VPS13B: variants seen among roughly 807,000 people sequenced by gnomAD.
VPS13B encodes the protein intermembrane lipid transfer protein VPS13B.
A neutral mutation model predicts 426.4 loss-of-function variants in VPS13B; 285 were observed. That is an observed-to-expected ratio of 0.67 (90% CI 0.61 to 0.74). The LOEUF is 0.74. Ranked by LOEUF, VPS13B falls within the 30% of genes least tolerant of loss-of-function variation. The probability of loss-of-function intolerance (pLI) is 0.00; values close to 1 mark genes in which losing one functional copy is unlikely to be tolerated. For missense variants in VPS13B, 4,537 were observed against 4,782.6 expected, an observed-to-expected ratio of 0.95 and a Z score of 1.51; for synonymous variants, 1,676 against 1,676.4, an observed-to-expected ratio of 1.00 and a Z score of 0.01.
chr8:99,584,120 G>A (rs528482567), intron 33 of VPS13B, among the ~76,000 whole-genome samples: 15 of 152,082 alleles, frequency 9.9e-5, no homozygotes, highest in South Asian at 2.1e-4. Context: ...GGGCTGTGAC[G>A]GAATACCTCA....
At chr8:99,640,155 T>G (rs1829298621) in intron 33 of VPS13B, among the ~76,000 whole-genome samples, 1 of 151,966 alleles carries the variant, frequency 6.6e-6, no homozygotes, top group African/African-American at 2.4e-5. Flanking sequence ...GGGAGACATT[T>G]TTTATCGCTG....
At chr8:99,396,625 GT>G (rs113820934) in intron 21 of VPS13B, among the ~76,000 whole-genome samples, 8 of 150,362 alleles carry the variant, frequency 5.3e-5, no homozygotes, top group South Asian at 2.1e-4. Context: ...ACTTCAGTGT[GT>G]TTTTTTTTGC....
At chr8:99,358,037 A>AC (rs777518054) in intron 19 of VPS13B, among the ~76,000 whole-genome samples, 67 of 126,486 alleles carry the variant, frequency 5.3e-4, no homozygotes, top group Admixed American at 1.6e-3. Context: ...CACACACACC[A>AC]CACACACTTA....
chr8:99,716,260 G>T (rs1039677474), intron 36 of VPS13B, among the ~76,000 whole-genome samples: 1 of 152,138 alleles, frequency 6.6e-6, no homozygotes, highest in Admixed American at 6.5e-5. Context: ...AAGTCAATGT[G>T]GTTACTGTAC....
At chr8:99,805,223 G>T (rs1813336249) in intron 43 of VPS13B, among the ~76,000 whole-genome samples, 1 of 150,252 alleles carries the variant, frequency 6.7e-6, no homozygotes, top group African/African-American at 2.5e-5. Context: ...ATTACTGTAG[G>T]GTAAATTACT....
intron 22 of VPS13B, among the ~76,000 whole-genome samples, chr8:99,437,019 G>A (rs867425731): frequency 4.7e-4 from 71 of 152,186 alleles, no homozygotes; most frequent in African/African-American, 1.1e-3. Flanking sequence ...GATTACAGGC[G>A]TGAGCTTTTA....
At chr8:99,546,574 T>A (rs1823989528) in intron 30 of VPS13B, among the ~76,000 whole-genome samples, 1 of 151,992 alleles carries the variant, frequency 6.6e-6, no homozygotes, top group Non-Finnish European at 1.5e-5. Flanking sequence ...ACCCTGTGAG[T>A]TGTGATTTAT....
intron 25 of VPS13B, among the ~76,000 whole-genome samples, chr8:99,487,124 A>C (rs1170577466): frequency 1.3e-5 from 2 of 151,818 alleles, no homozygotes; most frequent in East Asian, 1.9e-4. Context: ...AAAAAAAAAA[A>C]CAGAGGACCA....
At chr8:99,745,972 C>G (rs919894822) in intron 39 of VPS13B, among the ~76,000 whole-genome samples, 5 of 151,996 alleles carry the variant, frequency 3.3e-5, no homozygotes, top group Admixed American at 6.6e-5. Context: ...GAATAAGGAT[C>G]CCGCTGAGGT....
At chr8:99,378,407 A>G (rs1813614630) in intron 19 of VPS13B, among the ~76,000 whole-genome samples, 1 of 152,126 alleles carries the variant, frequency 6.6e-6, no homozygotes, top group African/African-American at 2.4e-5. Flanking sequence ...ATCATCACAG[A>G]GTCCTGAGGC....
At chr8:99,711,456 G>A (rs937983358) in intron 36 of VPS13B, among the ~76,000 whole-genome samples, 3 of 152,136 alleles carry the variant, frequency 2.0e-5, no homozygotes, top group African/African-American at 7.2e-5. Context: ...TGTCATTTGT[G>A]TATTTAAACA....
At chr8:99,501,592 T>C in intron 25 of VPS13B, 95 bp from the exon 26 acceptor site, 1 of 1,308,516 alleles carries the variant, frequency 7.6e-7, no homozygotes, top group South Asian at 1.3e-5. Context: ...GTGAAAAAGT[T>C]ACAAATAATA....
chr8:99,570,561 CT>C (rs1056398048), intron 31 of VPS13B, among the ~76,000 whole-genome samples: 7 of 150,888 alleles, frequency 4.6e-5, no homozygotes, highest in African/African-American at 1.7e-4. Context: ...TAGTGCCTTG[CT>C]TTTTTTCTTA....
Position 99,435,135 on chromosome 8 carries a change from G to C in VPS13B, c.3210+3471G>C, listed in dbSNP as rs542480435. ...AGGATGCCTAGGGCATGTACTTCCT[G>C]GTTTGTGATGAATTTAGATATTATC... is the stretch of plus-strand genomic sequence containing the variant. On this transcript the variant is annotated intron_variant, in intron 22 of 61. Transcript: ENST00000357162. 1.2e-4 allele frequency among the ~76,000 whole-genome samples: 18 copies of C among 152,186 alleles called. No individual in the cohort carries two copies. In the South Asian group the frequency reaches 3.5e-3, roughly 30 times the overall value.
chr8:99,775,487 C>T (rs991560452), intron 40 of VPS13B, among the ~76,000 whole-genome samples: 3 of 152,216 alleles, frequency 2.0e-5, no homozygotes, highest in Admixed American at 6.5e-5. Context: ...TCCCAGGTCT[C>T]GTGCTCCTGT....
In VPS13B at chr8:99,569,538, C is replaced by G. The variant is rs563369202; in HGVS notation, c.4950-6120C>G. 2.0e-5 allele frequency among the ~76,000 whole-genome samples: 3 copies of G among 152,032 alleles called. No individual in the cohort carries two copies. In the South Asian group the frequency reaches 6.2e-4, roughly 32 times the overall value. On this transcript the variant is annotated intron_variant, in intron 31 of 61. Transcript: ENST00000357162. Reference sequence around the variant, plus strand: ...TTTTTTGGTGGAATATTTTGGGAACCTTGGTACCACTTTTCCTACTTCTGG... The same window carrying G: ...TTTTTTGGTGGAATATTTTGGGAACGTTGGTACCACTTTTCCTACTTCTGG...
chr8:99,352,587 A>G (rs2133214938), intron 19 of VPS13B, among the ~76,000 whole-genome samples: 1 of 152,276 alleles, frequency 6.6e-6, no homozygotes, highest in South Asian at 2.1e-4. Flanking sequence ...TAATCCCAGC[A>G]CTGAGGTGGG....
At chr8:99,269,355 A>G (rs892637563) in intron 17 of VPS13B, among the ~76,000 whole-genome samples, 2 of 152,228 alleles carry the variant, frequency 1.3e-5, no homozygotes, top group African/African-American at 4.8e-5. Context: ...GGATTTGAGT[A>G]AAGGAATAGG....
At chr8:99,508,046 T>C (rs572298277) in intron 28 of VPS13B, 287 of 1,396,102 alleles carry the variant, frequency 2.1e-4, no homozygotes, top group Middle Eastern at 1.6e-3. Context: ...AAGTATAATG[T>C]AATTTAAAAT....
Sources: allele counts gnomAD v4.1 joint callset (sites outside exome capture counted in the v4.1 genomes callset), GRCh38; gene constraint gnomAD v4.1.1; transcripts MANE v1.5; gene names NCBI Gene and HGNC (gene_info 2026-07-23, HGNC 2026-07-21).